Variants in ESRRG observed in about 807,000 individuals in gnomAD.
The protein encoded by ESRRG is estrogen-related receptor gamma.
A neutral mutation model predicts 44.0 loss-of-function variants in ESRRG; 13 were observed. The ratio of observed to expected loss-of-function variants is 0.30; its 90% CI spans 0.19 to 0.47. The LOEUF (loss-of-function observed/expected upper bound fraction) is 0.47, where lower values mean the gene tolerates loss of function less well. ESRRG is among the 20% of genes least tolerant of loss of function. The pLI is 1.00. For missense variants in ESRRG, 395 were observed against 580.6 expected, an observed-to-expected ratio of 0.68 and a Z score of 3.29; for synonymous variants, 215 against 214.6, an observed-to-expected ratio of 1.00 and a Z score of -0.02.
At chr1:216,975,374 A>G (rs1392810851) in intron 1 of ESRRG, among the ~76,000 whole-genome samples, 3 of 152,236 alleles carry the variant, frequency 2.0e-5, no homozygotes, top group African/African-American at 7.2e-5. Flanking sequence ...ACCTCTGTTT[A>G]ACTTTTGGTA....
In ESRRG at chr1:216,545,684, G is replaced by A. The variant is rs114872228; in HGVS notation, c.862+18535C>T. On this transcript the variant is annotated intron_variant, in intron 5 of 6. Transcript: ENST00000408911. ...TTGTTAAAATGCATGCTGTTTACTCGATGTGCTACAATGGCCTCTTTCTCC... is the reference window on the plus strand; with the variant it reads ...TTGTTAAAATGCATGCTGTTTACTCAATGTGCTACAATGGCCTCTTTCTCC... 3.2e-3 allele frequency among the ~76,000 whole-genome samples: 484 copies of A among 151,984 alleles called. 2 individuals carry two copies. Among genetic ancestry groups the A allele is most frequent in the South Asian group, 0.014 (67 of 4,816 alleles).
intron 2 of ESRRG, among the ~76,000 whole-genome samples, chr1:216,871,979 T>C (rs934250297): frequency 5.9e-5 from 9 of 152,222 alleles, no homozygotes; most frequent in African/African-American, 2.2e-4. Flanking sequence ...TTAGAAATTA[T>C]CTTAGAGCTG....
chr1:216,842,234 T>C (rs2095664687), intron 2 of ESRRG, among the ~76,000 whole-genome samples: 1 of 152,294 alleles, frequency 6.6e-6, no homozygotes, highest in East Asian at 1.9e-4. Context: ...AACTTCCTTT[T>C]CATTTTTTGT....
chr1:216,905,831 A>G (rs1310447070), intron 2 of ESRRG, among the ~76,000 whole-genome samples: 1 of 152,070 alleles, frequency 6.6e-6, no homozygotes. Flanking sequence ...GCAACCTCCA[A>G]CCTCCGCCTC....
At chr1:216,923,449 C>T (rs1578194575) in intron 2 of ESRRG, among the ~76,000 whole-genome samples, 2 of 152,078 alleles carry the variant, frequency 1.3e-5, no homozygotes, top group Middle Eastern at 3.4e-3. Context: ...AAAATCGGGA[C>T]TTTTCTGCAT....
At chr1:216,743,230 C>T (rs2090975604) in intron 2 of ESRRG, among the ~76,000 whole-genome samples, 1 of 152,108 alleles carries the variant, frequency 6.6e-6, no homozygotes, top group Admixed American at 6.6e-5. Flanking sequence ...ATTTGCTAAG[C>T]CTGAGAAAAG....
chr1:216,592,653 A>G (rs1262813476), intron 3 of ESRRG, among the ~76,000 whole-genome samples: 6 of 152,096 alleles, frequency 3.9e-5, no homozygotes, highest in Non-Finnish European at 8.8e-5. Flanking sequence ...GGCATGCACC[A>G]CCACGCCCAG....
chr1:216,513,851 G>A (rs2043413228), intron 6 of ESRRG, among the ~76,000 whole-genome samples: 1 of 152,136 alleles, frequency 6.6e-6, no homozygotes, highest in African/African-American at 2.4e-5. Context: ...TACTGGGTAA[G>A]TGAATGTTGA....
At chr1:216,986,292 A>C (rs1329172982) in intron 1 of ESRRG, among the ~76,000 whole-genome samples, 6 of 152,112 alleles carry the variant, frequency 3.9e-5, no homozygotes, top group Non-Finnish European at 8.8e-5. Context: ...CCCGTGTAGG[A>C]ATAACTTGTA....
chr1:216,895,918 A>T (rs1478689296), intron 2 of ESRRG, among the ~76,000 whole-genome samples: 2 of 152,204 alleles, frequency 1.3e-5, no homozygotes, highest in African/African-American at 4.8e-5. Flanking sequence ...TAAAAGACAC[A>T]AAAATAGGTT....
At chr1:217,118,839 A>T (rs186859271) in intron 1 of ESRRG, among the ~76,000 whole-genome samples, 476 of 152,116 alleles carry the variant, frequency 3.1e-3, no homozygotes, top group African/African-American at 0.011. Context: ...AAAAAAAAAT[A>T]AAAAAGTAGC....
At chr1:217,096,232 T>C (rs1216918567) in intron 1 of ESRRG, among the ~76,000 whole-genome samples, 1 of 152,200 alleles carries the variant, frequency 6.6e-6, no homozygotes, top group Non-Finnish European at 1.5e-5. Context: ...GACTCAATTT[T>C]CCATTTGAGA....
intron 6 of ESRRG, among the ~76,000 whole-genome samples, chr1:216,513,388 T>C (rs1420810370): frequency 6.6e-6 from 1 of 152,198 alleles, no homozygotes; most frequent in Non-Finnish European, 1.5e-5. Context: ...CCCAGAAATC[T>C]TATGATTTTA....
At chr1:216,930,604 C>T (rs1333126745) in intron 2 of ESRRG, among the ~76,000 whole-genome samples, 5 of 152,204 alleles carry the variant, frequency 3.3e-5, no homozygotes, top group Non-Finnish European at 7.3e-5. Flanking sequence ...ACGTATAAGA[C>T]ATAGTTCTTG....
At chr1:216,812,188 C>T (rs1357046080) in intron 2 of ESRRG, among the ~76,000 whole-genome samples, 1 of 152,148 alleles carries the variant, frequency 6.6e-6, no homozygotes, top group African/African-American at 2.4e-5. Flanking sequence ...AAGAGTCAAA[C>T]ATATGCTTAA....
intron 6 of ESRRG, 45 bp from the exon 7 acceptor site, chr1:216,507,228 C>G: frequency 1.4e-6 from 2 of 1,381,092 alleles, no homozygotes; most frequent in Non-Finnish European, 2.0e-6. Flanking sequence ...ATAATAATAG[C>G]AAACCTATGT....
chr1:217,089,814 C>T (rs985946311), upstream of ESRRG, among the ~76,000 whole-genome samples: 2 of 152,120 alleles, frequency 1.3e-5, no homozygotes, highest in African/African-American at 4.8e-5. Flanking sequence ...GGCAGAGGGG[C>T]GCCCACGGCT....
chr1:216,800,982 CT>C (rs1036036088), intron 2 of ESRRG, among the ~76,000 whole-genome samples: 4 of 151,960 alleles, frequency 2.6e-5, no homozygotes, highest in African/African-American at 9.7e-5. Flanking sequence ...CACACCAATT[CT>C]TTTTTTAATG....
chr1:216,611,538 C>T (rs1420726310), intron 3 of ESRRG, among the ~76,000 whole-genome samples: 1 of 152,182 alleles, frequency 6.6e-6, no homozygotes, highest in Non-Finnish European at 1.5e-5. Context: ...CAAAGAAAGT[C>T]TCCTGGAATA....
Sources: allele counts gnomAD v4.1 joint callset (sites outside exome capture counted in the v4.1 genomes callset), GRCh38; gene constraint gnomAD v4.1.1; transcripts MANE v1.5; gene names NCBI Gene and HGNC (gene_info 2026-07-23, HGNC 2026-07-21).